SHMT2: variants seen among roughly 807,000 people sequenced by gnomAD.
SHMT2 encodes serine hydroxymethyltransferase, mitochondrial.
Under a neutral mutation model 59.6 loss-of-function variants are expected in SHMT2, and 38 were observed. The ratio of observed to expected loss-of-function variants is 0.64; its 90% CI spans 0.49 to 0.84. The LOEUF (loss-of-function observed/expected upper bound fraction) is 0.84, where lower values mean the gene tolerates loss of function less well. Among genes scored for constraint, SHMT2 ranks in the 40% least tolerant of loss-of-function variants. SHMT2 has a pLI of 0.00. For missense variants in SHMT2, 533 were observed against 659.5 expected, an observed-to-expected ratio of 0.81 and a Z score of 2.10; for synonymous variants, 254 against 258.1, an observed-to-expected ratio of 0.98 and a Z score of 0.15.
chr12:57,229,977 G>T, intron 1 of SHMT2, 166 bp downstream of exon 1: 1 of 1,450,572 alleles, frequency 6.9e-7, no homozygotes, highest in Non-Finnish European at 9.1e-7. Context: ...CCCTGGGCGC[G>T]CGTGGAGTTA....
chr12:57,230,854 AGCAAC>A lies in SHMT2; in HGVS notation c.89_93del (p.Asn30SerfsTer22). On this transcript the variant is annotated frameshift_variant, in exon 2 of 12. Coordinates refer to ENST00000328923, the MANE Select transcript of SHMT2 (RefSeq NM_005412.6). LOFTEE classifies it high-confidence loss of function. ...CAGGATGGCCATTCGGGCTCAGCACAGCAACGCAGCCCAGACTCAGACTGGGGAAG... is the reference window on the plus strand; with the variant it reads ...CAGGATGGCCATTCGGGCTCAGCACAGCAGCCCAGACTCAGACTGGGGAAG... 6.2e-7 allele frequency: 1 copy of A among 1,614,160 alleles called. No individual in the cohort carries two copies. Among genetic ancestry groups the A allele is most frequent in the Non-Finnish European group, 8.5e-7 (1 of 1,180,018 alleles).
Position 57,231,595 on chromosome 12 carries a change from C to T in SHMT2, c.311+35C>T, listed in dbSNP as rs756098247. 8.1e-6 allele frequency: 13 copies of T among 1,612,910 alleles called. 1 individual carries two copies. In the South Asian group the frequency reaches 1.4e-4, roughly 18 times the overall value. ...GGAGGGCAGTGTCAGGGATGGTGCT[C>T]CCAGTGGGGGAACCCACCTGTACCT... On this transcript the variant is annotated intron_variant, in intron 3 of 11. Transcript: ENST00000328923.
chr12:57,231,624 C>T lies in SHMT2; in HGVS notation c.311+64C>T, dbSNP rs1438084210. On this transcript the variant is annotated intron_variant, in intron 3 of 11. Coordinates refer to ENST00000328923, the MANE Select transcript of SHMT2 (RefSeq NM_005412.6). Reference sequence around the variant, plus strand: ...GTGGGGGAACCCACCTGTACCTTCCCAGTGTTCATTGAGGAGTGAACTTCC... The same window carrying T: ...GTGGGGGAACCCACCTGTACCTTCCTAGTGTTCATTGAGGAGTGAACTTCC... The T allele has an allele frequency of 2.5e-6, 4 of 1,611,200 alleles. No homozygotes were observed. The African/African-American group carries it at 5.3e-5, about 22-fold the overall frequency.
chr12:57,232,683 C>T, intron 6 of SHMT2, 21 bp from the exon 7 acceptor site: 3 of 1,606,934 alleles, frequency 1.9e-6, no homozygotes, highest in Non-Finnish European at 2.6e-6. Flanking sequence ...AGGCTGAGGC[C>T]TTGCCTCTGT....
At position 57,234,119 on chromosome 12, in the gene SHMT2, G is replaced by A. The variant is rs2037452923; in HGVS notation, c.1387+9G>A. 2.5e-6 allele frequency: 4 copies of A among 1,613,932 alleles called. No homozygotes were observed. Among genetic ancestry groups the A allele is most frequent in the East Asian group, 2.2e-5 (1 of 44,898 alleles). On this transcript the variant is annotated intron_variant, in intron 11 of 11. Transcript: ENST00000328923. ...GGTGAAGAGCAAGACTGGTGAGTGA[G>A]CAAGAAGGAGCCCCGGGCCAGCCAG...
In SHMT2 at chr12:57,232,221, G is replaced by A. The variant is rs1040216145; in HGVS notation, c.523G>A (p.Gly175Ser). The A allele has an allele frequency of 1.9e-6, 3 of 1,614,094 alleles. No individual in the cohort carries two copies. The highest frequency in any genetic ancestry group is 2.5e-6 in the Non-Finnish European group (3 of 1,179,968). ...CCTCTCACTTCGCAGTCTCACCCAC[G>A]GCTACATGTCTGACGTCAAGCGGAT... The part of the protein sequence containing the change: ...DLPDGGHLTH[G>S]YMSDVKRISA... The change falls in exon 5 of 12, where the codon GGC becomes AGC. Residue 175 changes from glycine (G) to serine (S), a missense_variant. Transcript: ENST00000328923.
At chr12:57,230,457 G>T (rs903048637) in intron 1 of SHMT2, 28 of 1,198,440 alleles carry the variant, frequency 2.3e-5, no homozygotes, top group Non-Finnish European at 2.7e-5. Flanking sequence ...AGACCCTCTT[G>T]TTCCTGTGGG....
At chr12:57,234,211 G>C (rs368506640) in intron 11 of SHMT2, 23 bp from the exon 12 acceptor site, 5 of 1,611,608 alleles carry the variant, frequency 3.1e-6, no homozygotes, top group Middle Eastern at 1.6e-4. Flanking sequence ...CTGACCACTT[G>C]TTTCCTCACC....
intron 1 of SHMT2, chr12:57,230,560 G>C: frequency 7.2e-7 from 1 of 1,391,126 alleles, no homozygotes; most frequent in Non-Finnish European, 9.3e-7. Context: ...CATGGAGTGA[G>C]GTGGTGGGAG....
At chr12:57,230,232 G>A (rs1263701739) in intron 1 of SHMT2, 39 of 1,243,086 alleles carry the variant, frequency 3.1e-5, no homozygotes, top group Non-Finnish European at 4.0e-5. Context: ...AGGGCTGGAA[G>A]GAGGTGGAAC....
rs939006357 is a variant in SHMT2, at chr12:57,234,519, T to C, written c.*158T>C. ...AGTCTCCCTTCCCAGAATTTGTAAC[T>C]GAGAAGATCTTTTCTTTTTCCTTTT... On this transcript the variant is annotated 3_prime_UTR_variant, in exon 12 of 12. Coordinates refer to ENST00000328923, the MANE Select transcript of SHMT2 (RefSeq NM_005412.6). 23 of 713,212 alleles carry C rather than the reference T, an allele frequency of 3.2e-5. No individual in the cohort carries two copies. The highest frequency in any genetic ancestry group is 4.6e-5 in the Non-Finnish European group (22 of 478,930). The allele number at this position is 713,212 out of a possible 1,614,324, so 44.2% of individuals were successfully genotyped here.
chr12:57,232,398 G>C (rs1307309612), intron 5 of SHMT2, 55 bp from the exon 6 acceptor site: 1 of 1,613,988 alleles, frequency 6.2e-7, no homozygotes, highest in Non-Finnish European at 8.5e-7. Context: ...TTAAGGAGGA[G>C]AGTGAGCTGC....
In SHMT2 at chr12:57,232,230, T is replaced by C; in HGVS notation, c.532T>C (p.Ser178Pro). ...DGGHLTHGYM[S>P]DVKRISATSI... ...TCGCAGTCTCACCCACGGCTACATGTCTGACGTCAAGCGGATATCAGCCAC... is the reference window on the plus strand; with the variant it reads ...TCGCAGTCTCACCCACGGCTACATGCCTGACGTCAAGCGGATATCAGCCAC... Residue 178 changes from serine to proline, a missense_variant, in exon 5 of 12, where the codon TCT (serine) becomes CCT (proline). Physicochemically the swap from Ser to Pro is moderately conservative, Grantham distance 74. Coordinates refer to ENST00000328923, the MANE Select transcript of SHMT2 (RefSeq NM_005412.6). 2 of 1,614,194 alleles carry C rather than the reference T, an allele frequency of 1.2e-6. No individual in the cohort carries two copies. Among genetic ancestry groups the C allele is most frequent in the Non-Finnish European group, 1.7e-6 (2 of 1,180,014 alleles).
chr12:57,231,704 C>T lies in SHMT2; in HGVS notation c.312-9C>T. On this transcript the variant is annotated splice_polypyrimidine_tract_variant and intron_variant, in intron 3 of 11. Transcript: ENST00000328923. ...TCTCTGTGCCCTCATTACCCCTCTC[C>T]CACGGCAGATACTATGGGGGAGCAG... The T allele has an allele frequency of 3.7e-6, 6 of 1,614,048 alleles. No homozygotes were observed. Among genetic ancestry groups the T allele is most frequent in the Non-Finnish European group, 5.1e-6 (6 of 1,180,010 alleles).
At chr12:57,234,140 G>T in intron 11 of SHMT2, 30 bp downstream of exon 11, 1 of 1,613,806 alleles carries the variant, frequency 6.2e-7, no homozygotes, top group Non-Finnish European at 8.5e-7. Context: ...CCCCGGGCCA[G>T]CCAGTTCCCA....
At chr12:57,230,242 C>T (rs1325365475) in intron 1 of SHMT2, 3 of 1,224,794 alleles carry the variant, frequency 2.4e-6, no homozygotes, top group South Asian at 2.9e-5. Context: ...GGAGGTGGAA[C>T]GGGTAGGGGG....
chr12:57,231,471 A>C lies in SHMT2; in HGVS notation c.232-10A>C, dbSNP rs1324685920. The C allele has an allele frequency of 1.2e-6, 2 of 1,613,396 alleles. No homozygotes were observed. Among genetic ancestry groups the C allele is most frequent in the Non-Finnish European group, 1.7e-6 (2 of 1,179,758 alleles). On this transcript the variant is annotated splice_polypyrimidine_tract_variant and intron_variant, in intron 2 of 11. Transcript: ENST00000328923. ...TCAATACCTTCTGACATTGCCCCCC[A>C]CCACCCCAGAACTTCTGCAGCCGAG... is the stretch of plus-strand genomic sequence containing the variant.
At position 57,233,175 on chromosome 12, in the gene SHMT2, C is replaced by T. The variant is rs778019870; in HGVS notation, c.858-5C>T. The T allele has an allele frequency of 1.3e-6, 2 of 1,531,140 alleles. No individual in the cohort carries two copies. The highest frequency in any genetic ancestry group is 1.8e-6 in the Non-Finnish European group (2 of 1,137,698). The allele number at this position is 1,531,140 out of a possible 1,614,324, so 94.8% of individuals were successfully genotyped here. A position where few individuals can be genotyped will look rare whatever the true frequency, so the allele number is the denominator to read the frequency against. ...TTAGACTCTGACCATCCACCTCTCACACAGGTCAGGGCTCATCTTCTACCG... is the reference window on the plus strand; with the variant it reads ...TTAGACTCTGACCATCCACCTCTCATACAGGTCAGGGCTCATCTTCTACCG... On this transcript the variant is annotated splice_region_variant and splice_polypyrimidine_tract_variant and intron_variant, in intron 7 of 11. Coordinates refer to ENST00000328923, the MANE Select transcript of SHMT2 (RefSeq NM_005412.6).
rs763089284 is a variant in SHMT2 at position 57,232,262 on chromosome 12, C to A, written c.564C>A (p.Ile188=). ...TCAAGCGGATATCAGCCACGTCCAT[C>A]TTCTTCGAGTCTATGCCCTATAAGC... ...SDVKRISATS[I]FFESMPYKLN... Residue 188 remains isoleucine, a synonymous_variant, in exon 5 of 12, where the codon ATC becomes ATA. Transcript: ENST00000328923. 1.2e-6 allele frequency: 2 copies of A among 1,614,184 alleles called. No homozygotes were observed. Among genetic ancestry groups the A allele is most frequent in the Admixed American group, 3.3e-5 (2 of 60,024 alleles).
Sources: gnomAD v4.1 joint callset for allele counts on GRCh38, gnomAD v4.1.1 for gene constraint, MANE v1.5 for transcripts, NCBI Gene and HGNC (gene_info 2026-07-23, HGNC 2026-07-21) for gene names.